Variants in CADM1 observed in about 807,000 individuals in gnomAD.
CADM1 encodes TSLC-1.
A neutral mutation model predicts 53.1 loss-of-function variants in CADM1; 15 were observed. The ratio of observed to expected loss-of-function variants is 0.28; its 90% CI spans 0.19 to 0.44. CADM1 has a LOEUF of 0.44. CADM1 is among the 20% of genes least tolerant of loss of function. CADM1 has a pLI of 1.00. For missense variants in CADM1, 434 were observed against 611.3 expected (o/e 0.71, Z 3.06); for synonymous variants, 281 against 243.0 (o/e 1.16, Z -1.45).
rs1180393035 is a variant in CADM1 at position 115,485,409 on chromosome 11, A to G, written c.124+18862T>C. On this transcript the variant is annotated intron_variant, in intron 1 of 11. Coordinates refer to ENST00000331581, the MANE Select transcript of CADM1 (RefSeq NM_001301043.2). ...ATTAAAGAAGTAACTAAATAAAAGCATAATGTAAAACTTTTGCTACCATCT... is the reference window on the plus strand; with the variant it reads ...ATTAAAGAAGTAACTAAATAAAAGCGTAATGTAAAACTTTTGCTACCATCT... Among the ~76,000 whole-genome samples, 5 of 152,216 alleles carry G rather than the reference A, an allele frequency of 3.3e-5. No homozygotes were observed. In the East Asian group the frequency reaches 7.7e-4, roughly 23 times the overall value.
chr11:115,465,142 T>C (rs941683237), intron 1 of CADM1, among the ~76,000 whole-genome samples: 1 of 152,212 alleles, frequency 6.6e-6, no homozygotes, highest in African/African-American at 2.4e-5. Context: ...CTGCATCATA[T>C]TATTTTTATT....
intron 1 of CADM1, among the ~76,000 whole-genome samples, chr11:115,448,289 T>C (rs759169390): frequency 3.9e-5 from 6 of 152,164 alleles, no homozygotes; most frequent in East Asian, 1.9e-4. Context: ...AAGTAGAATA[T>C]GAATAAGTTA....
intron 1 of CADM1, among the ~76,000 whole-genome samples, chr11:115,351,000 T>C (rs1302002283): frequency 6.6e-6 from 1 of 151,920 alleles, no homozygotes; most frequent in Non-Finnish European, 1.5e-5. Flanking sequence ...TTCCAGTGTA[T>C]ATTAACATTC....
intron 1 of CADM1, among the ~76,000 whole-genome samples, chr11:115,407,477 G>T (rs1353746672): frequency 6.6e-6 from 1 of 152,138 alleles, no homozygotes; most frequent in Non-Finnish European, 1.5e-5. Context: ...TTCATTAAGT[G>T]CTGCCAAAAT....
intron 1 of CADM1, among the ~76,000 whole-genome samples, chr11:115,308,175 G>GTGTGTGTGTGTGTGTGTGTATA (rs1353212174): frequency 1.7e-5 from 2 of 117,432 alleles, no homozygotes; most frequent in Admixed American, 9.2e-5. Context: ...GTGTGTGTGT[G>GTGTGTGTGTGTGTGTGTGTATA]TATATCACTC....
intron 1 of CADM1, among the ~76,000 whole-genome samples, chr11:115,410,083 T>C (rs951187727): frequency 3.9e-5 from 6 of 152,238 alleles, no homozygotes; most frequent in African/African-American, 1.4e-4. Context: ...CTGTTAGTTA[T>C]TGGGCCCTTG....
intron 1 of CADM1, among the ~76,000 whole-genome samples, chr11:115,407,935 TG>T: frequency 6.9e-6 from 1 of 144,732 alleles, no homozygotes; most frequent in East Asian, 2.0e-4. Context: ...TTTTGTGTAT[TG>T]AAGAAAGGTA....
intron 1 of CADM1, among the ~76,000 whole-genome samples, chr11:115,413,127 A>G (rs568895980): frequency 1.3e-5 from 2 of 152,342 alleles, no homozygotes; most frequent in Admixed American, 6.5e-5. Context: ...GCTGGGAATA[A>G]AGAGACACAG....
At chr11:115,401,422 C>T (rs1319462287) in intron 1 of CADM1, among the ~76,000 whole-genome samples, 2 of 152,214 alleles carry the variant, frequency 1.3e-5, no homozygotes, top group East Asian at 1.9e-4. Context: ...GCCTGGCCAA[C>T]ATGGTGAAAC....
At chr11:115,485,514 C>G (rs1411696875) in intron 1 of CADM1, among the ~76,000 whole-genome samples, 1 of 152,180 alleles carries the variant, frequency 6.6e-6, no homozygotes, top group Admixed American at 6.5e-5. Context: ...GTGGGAGGGA[C>G]CCAGTGGGAG....
chr11:115,478,335 A>T (rs1396817947), intron 1 of CADM1, among the ~76,000 whole-genome samples: 2 of 152,158 alleles, frequency 1.3e-5, no homozygotes, highest in Non-Finnish European at 2.9e-5. Flanking sequence ...AAAGTAAAGG[A>T]TATATTCAGA....
chr11:115,351,136 A>AC (rs1945725227), intron 1 of CADM1, among the ~76,000 whole-genome samples: 2 of 151,658 alleles, frequency 1.3e-5, no homozygotes, highest in African/African-American at 4.8e-5. Flanking sequence ...GAAACAAACA[A>AC]AAAAAAGTAA....
At chr11:115,295,095 T>C (rs184573032) in intron 1 of CADM1, among the ~76,000 whole-genome samples, 2 of 152,214 alleles carry the variant, frequency 1.3e-5, no homozygotes, top group African/African-American at 4.8e-5. Context: ...CAATGCTTAT[T>C]AGTTAATCTA....
chr11:115,283,720 C>A (rs981151376), intron 1 of CADM1, among the ~76,000 whole-genome samples: 2 of 152,232 alleles, frequency 1.3e-5, no homozygotes, highest in Non-Finnish European at 2.9e-5. Context: ...ACTAAAGCCA[C>A]GCCAGACATT....
chr11:115,198,442 C>T lies in CADM1; in HGVS notation c.1079-4G>A. On this transcript the variant is annotated splice_region_variant and splice_polypyrimidine_tract_variant and intron_variant, in intron 8 of 11. Coordinates refer to ENST00000331581, the MANE Select transcript of CADM1 (RefSeq NM_001301043.2). ...GGTTCTGTCGTCGCCGTTGTGTCTACAGACGGGAACAGAGGATTGGAGGAA... is the reference window on the plus strand; with the variant it reads ...GGTTCTGTCGTCGCCGTTGTGTCTATAGACGGGAACAGAGGATTGGAGGAA... 6.3e-7 allele frequency: 1 copy of T among 1,594,752 alleles called. No homozygotes were observed. The highest frequency in any genetic ancestry group is 1.7e-5 in the Admixed American group (1 of 59,724).
chr11:115,425,085 A>G (rs1947857150), intron 1 of CADM1, among the ~76,000 whole-genome samples: 1 of 152,228 alleles, frequency 6.6e-6, no homozygotes. Context: ...ATTTGGCTAC[A>G]AGAAACAGGG....
At chr11:115,401,958 T>C (rs1327870458) in intron 1 of CADM1, among the ~76,000 whole-genome samples, 3 of 152,006 alleles carry the variant, frequency 2.0e-5, no homozygotes, top group Non-Finnish European at 4.4e-5. Context: ...CTACAAAAAA[T>C]TAAGTCTTTT....
intron 10 of CADM1, among the ~76,000 whole-genome samples, chr11:115,184,134 T>G (rs1476676365): frequency 6.6e-6 from 1 of 152,056 alleles, no homozygotes; most frequent in Middle Eastern, 3.2e-3. Context: ...TGTTACTTCT[T>G]GCTAGGAAGA....
intron 4 of CADM1, among the ~76,000 whole-genome samples, chr11:115,229,476 G>A (rs1356776013): frequency 6.6e-6 from 1 of 152,134 alleles, no homozygotes; most frequent in Non-Finnish European, 1.5e-5. Flanking sequence ...AGGCAGCATA[G>A]TATTTAAGAT....
Sources: allele counts gnomAD v4.1 joint callset (sites outside exome capture counted in the v4.1 genomes callset), GRCh38; gene constraint gnomAD v4.1.1; transcripts MANE v1.5; gene names NCBI Gene and HGNC (gene_info 2026-07-23, HGNC 2026-07-21).